Variants in CRISPLD1 observed in about 807,000 individuals in gnomAD.
CRISPLD1 encodes cysteine-rich secretory protein LCCL domain-containing 1.
Under a neutral mutation model 77.5 loss-of-function variants are expected in CRISPLD1, and 60 were observed. The observed-to-expected ratio is 0.77, with a 90% CI of 0.63 to 0.96. The LOEUF is 0.96. CRISPLD1 is among the 40% of genes least tolerant of loss of function. The probability of loss-of-function intolerance (pLI) is 0.00; values close to 1 mark genes in which losing one functional copy is unlikely to be tolerated. For synonymous variants in CRISPLD1, 195 were observed against 200.1 expected, an observed-to-expected ratio of 0.97 and a Z score of 0.22; for missense variants, 623 against 615.8, an observed-to-expected ratio of 1.01 and a Z score of -0.12.
At chr8:75,000,363 G>A in intron 2 of CRISPLD1, 1 of 985,388 alleles carries the variant, frequency 1.0e-6, no homozygotes, top group Non-Finnish European at 1.2e-6. Context: ...CTCCTGTGTG[G>A]AAAGAAAAGG....
intron 2 of CRISPLD1, among the ~76,000 whole-genome samples, chr8:75,004,706 A>G (rs934805188): frequency 1.3e-5 from 2 of 152,216 alleles, no homozygotes; most frequent in African/African-American, 4.8e-5. Context: ...GTTTTATTTC[A>G]GAAGTGGTAG....
intron 3 of CRISPLD1, 67 bp downstream of exon 3, chr8:75,012,618 A>G (rs907423647): frequency 1.8e-6 from 2 of 1,103,130 alleles, no homozygotes; most frequent in Non-Finnish European, 2.8e-6. Context: ...TTATTAATTC[A>G]TCAGTACAAT....
intron 2 of CRISPLD1, among the ~76,000 whole-genome samples, chr8:75,004,264 A>G (rs921940048): frequency 6.6e-6 from 1 of 152,112 alleles, no homozygotes; most frequent in Admixed American, 6.5e-5. Context: ...TATAACTACA[A>G]AGTCTATTCA....
intron 12 of CRISPLD1, among the ~76,000 whole-genome samples, chr8:75,020,870 A>T (rs541056572): frequency 1.3e-5 from 2 of 152,272 alleles, no homozygotes; most frequent in South Asian, 4.1e-4. Flanking sequence ...CAAGATTATA[A>T]TGGAATTTAT....
At chr8:74,997,481 A>G (rs761024157) in intron 2 of CRISPLD1, among the ~76,000 whole-genome samples, 13 of 152,226 alleles carry the variant, frequency 8.5e-5, no homozygotes, top group Non-Finnish European at 1.9e-4. Context: ...TTTGAGATGC[A>G]TGTCATCCTT....
chr8:74,999,576 G>A (rs1812702969), intron 2 of CRISPLD1, among the ~76,000 whole-genome samples: 1 of 152,096 alleles, frequency 6.6e-6, no homozygotes, highest in African/African-American at 2.4e-5. Flanking sequence ...AGGTGATGTG[G>A]TGGCCGCTGT....
At chr8:75,022,195 T>C (rs1446549182) in intron 12 of CRISPLD1, among the ~76,000 whole-genome samples, 1 of 152,170 alleles carries the variant, frequency 6.6e-6, no homozygotes, top group Non-Finnish European at 1.5e-5. Flanking sequence ...GAAATGACAA[T>C]TTATGCATAA....
chr8:74,996,208 A>C (rs1812644451), intron 2 of CRISPLD1, among the ~76,000 whole-genome samples: 1 of 151,994 alleles, frequency 6.6e-6, no homozygotes, highest in African/African-American at 2.4e-5. Context: ...AAGATATTAC[A>C]GTATTTATGT....
rs1210112253 is a variant in CRISPLD1, at chr8:75,032,288, T to C, written c.*46T>C. Reference sequence around the variant, plus strand: ...ACCATAAAGACTATTCCAAATGCAATATTTCTGAATTTTGTATAAAACTGT... The same window carrying C: ...ACCATAAAGACTATTCCAAATGCAACATTTCTGAATTTTGTATAAAACTGT... On this transcript the variant is annotated 3_prime_UTR_variant, in exon 15 of 15. Transcript: ENST00000262207. The C allele has an allele frequency of 6.9e-7, 1 of 1,452,546 alleles. No homozygotes were observed. The highest frequency in any genetic ancestry group is 1.8e-5 in the Admixed American group (1 of 55,064). 90.0% of individuals were successfully genotyped at this position (1,452,546 alleles called of 1,614,324 possible).
chr8:74,986,001 C>T lies in CRISPLD1; in HGVS notation c.14C>T (p.Ala5Val). The change falls in exon 2 of 15, where the codon GCG becomes GTG. Residue 5 changes from alanine to valine, a missense_variant. Coordinates refer to ENST00000262207, the MANE Select transcript of CRISPLD1 (RefSeq NM_031461.6). MKCT[A>V]REWLRVTTVL... ...AGGTCATTCATTATGAAGTGTACCG[C>T]GCGGGAGTGGCTCAGAGTAACCACA... is the stretch of plus-strand genomic sequence containing the variant. 6.2e-7 allele frequency: 1 copy of T among 1,613,906 alleles called. No homozygotes were observed. Among genetic ancestry groups the T allele is most frequent in the African/African-American group, 1.3e-5 (1 of 75,012 alleles).
chr8:75,012,445 G>C lies in CRISPLD1; in HGVS notation c.271G>C (p.Glu91Gln), dbSNP rs1812948410. 1 of 1,610,332 alleles carries C rather than the reference G, an allele frequency of 6.2e-7. No individual in the cohort carries two copies. The highest frequency in any genetic ancestry group is 8.5e-7 in the Non-Finnish European group (1 of 1,176,900). The stretch of plus-strand genomic sequence containing the variant: ...TTTTAAACTGTAGACATGGGATGTA[G>C]AGCTGGAAAGATCTGCAGAATCCTG... ...SNMEYMTWDV[E>Q]LERSAESWAE... Residue 91 changes from glutamate (E) to glutamine (Q), a missense_variant, in exon 3 of 15, where the codon GAG (glutamate) becomes CAG (glutamine). By Grantham distance (29) the Glu-to-Gln change is conservative. Transcript: ENST00000262207.
intron 2 of CRISPLD1, among the ~76,000 whole-genome samples, chr8:75,002,220 GTCAT>G (rs1812754305): frequency 6.6e-6 from 1 of 151,512 alleles, no homozygotes; most frequent in African/African-American, 2.4e-5. Context: ...TTATTTTTCA[GTCAT>G]TCAAAATTTT....
At chr8:75,022,237 C>G (rs1290609436) in intron 12 of CRISPLD1, among the ~76,000 whole-genome samples, 1 of 152,028 alleles carries the variant, frequency 6.6e-6, no homozygotes, top group Non-Finnish European at 1.5e-5. Flanking sequence ...AAAGCTTCTC[C>G]CTTTTTTTTT....
At chr8:74,986,325 AATC>A in intron 2 of CRISPLD1, 80 bp downstream of exon 2, 1 of 1,354,402 alleles carries the variant, frequency 7.4e-7, no homozygotes, top group Non-Finnish European at 1.0e-6. Flanking sequence ...GCTGTTCTTT[AATC>A]ATTTATTTTA....
chr8:75,029,223 G>A (rs377244428), intron 13 of CRISPLD1, among the ~76,000 whole-genome samples, 164 bp from the exon 14 acceptor site: 212 of 152,230 alleles, frequency 1.4e-3, no homozygotes, highest in African/African-American at 5.0e-3. Context: ...ACTTTGTGAC[G>A]TTTCAAACAC....
At chr8:75,013,111 T>A in intron 4 of CRISPLD1, 89 bp downstream of exon 4, 1 of 1,120,804 alleles carries the variant, frequency 8.9e-7, no homozygotes. Context: ...GTCTTTCTTA[T>A]TTAATATGGT....
chr8:75,024,134 A>C (rs1813191838), intron 12 of CRISPLD1, among the ~76,000 whole-genome samples: 1 of 152,164 alleles, frequency 6.6e-6, no homozygotes, highest in South Asian at 2.1e-4. Flanking sequence ...AATAACCATT[A>C]GGCCCATGTG....
At chr8:75,015,747 G>T (rs1813016726) in intron 6 of CRISPLD1, among the ~76,000 whole-genome samples, 1 of 152,008 alleles carries the variant, frequency 6.6e-6, no homozygotes, top group South Asian at 2.1e-4. Flanking sequence ...TCCCTCTGTT[G>T]TGTAAGCCAT....
At chr8:74,988,294 C>T (rs1387375582) in intron 2 of CRISPLD1, among the ~76,000 whole-genome samples, 2 of 152,038 alleles carry the variant, frequency 1.3e-5, no homozygotes, top group African/African-American at 4.8e-5. Flanking sequence ...GAAAACAAAC[C>T]TTTAAACTGG....
Sources: allele counts gnomAD v4.1 joint callset (sites outside exome capture counted in the v4.1 genomes callset), GRCh38; gene constraint gnomAD v4.1.1; transcripts MANE v1.5; gene names NCBI Gene and HGNC (gene_info 2026-07-23, HGNC 2026-07-21).